KCTD8: variants seen among roughly 807,000 people sequenced by gnomAD.
KCTD8 encodes potassium channel tetramerization domain containing 8.
Under a neutral mutation model 31.5 loss-of-function variants are expected in KCTD8, and 27 were observed. The observed-to-expected ratio is 0.86, with a 90% confidence interval of 0.63 to 1.18. The LOEUF is 1.18. Among genes scored for constraint, KCTD8 ranks in the 50% most tolerant of loss-of-function variants. The pLI, the probability that KCTD8 is intolerant of heterozygous loss-of-function variation, is 0.00. For synonymous variants in KCTD8, 290 were observed against 280.0 expected (o/e 1.04, Z -0.36); for missense variants, 658 against 647.7 (o/e 1.02, Z -0.17).
chr4:44,419,689 C>A (rs557198841), intron 1 of KCTD8, among the ~76,000 whole-genome samples: 2 of 150,912 alleles, frequency 1.3e-5, no homozygotes, highest in Admixed American at 1.3e-4. Flanking sequence ...TGTCACATAC[C>A]GGGGCCTGTC....
intron 1 of KCTD8, among the ~76,000 whole-genome samples, chr4:44,177,959 C>T (rs1021657982): frequency 9.9e-5 from 15 of 152,238 alleles, no homozygotes; most frequent in Admixed American, 3.3e-4. Flanking sequence ...GGCCACCAGC[C>T]GTCTTTTCCA....
chr4:44,302,722 C>A (rs1189997954), intron 1 of KCTD8, among the ~76,000 whole-genome samples: 1 of 151,896 alleles, frequency 6.6e-6, no homozygotes, highest in East Asian at 1.9e-4. Flanking sequence ...CCTTCTTCTG[C>A]CTAATTGCCC....
chr4:44,370,636 A>G (rs1447153849), intron 1 of KCTD8, among the ~76,000 whole-genome samples: 1 of 152,218 alleles, frequency 6.6e-6, no homozygotes, highest in Non-Finnish European at 1.5e-5. Context: ...AAGGAGGATA[A>G]CAATCAAGAA....
rs889591394 is a variant in KCTD8, at chr4:44,277,554, T to G, written c.962-102304A>C. ...ATCATTCATTCATTCATTCATTCAT[T>G]CAATAAAAGCTTACTAAACAATCAA... On this transcript the variant is annotated intron_variant, in intron 1 of 1. Transcript: ENST00000360029. Among the ~76,000 whole-genome samples the G allele has an allele frequency of 4.6e-5, 7 of 151,898 alleles. No individual in the cohort carries two copies. In the East Asian group the frequency reaches 1.2e-3, roughly 25 times the overall value.
intron 1 of KCTD8, among the ~76,000 whole-genome samples, chr4:44,306,749 C>A (rs1392392527): frequency 2.0e-5 from 3 of 151,874 alleles, no homozygotes; most frequent in African/African-American, 7.3e-5. Flanking sequence ...TCTGACAGAA[C>A]TAAGGAAGGT....
chr4:44,353,928 G>C (rs988610884), intron 1 of KCTD8, among the ~76,000 whole-genome samples: 25 of 152,144 alleles, frequency 1.6e-4, no homozygotes, highest in Middle Eastern at 6.8e-3. Flanking sequence ...ATGTTACTGG[G>C]GTTGGAAAAT....
intron 1 of KCTD8, among the ~76,000 whole-genome samples, chr4:44,395,807 A>G (rs540032405): frequency 6.3e-4 from 95 of 151,632 alleles, no homozygotes; most frequent in African/African-American, 2.2e-3. Flanking sequence ...GCATTTGAGG[A>G]CCTCCCCTAG....
intron 1 of KCTD8, among the ~76,000 whole-genome samples, chr4:44,351,352 A>G (rs1456856361): frequency 6.6e-6 from 1 of 152,158 alleles, no homozygotes; most frequent in African/African-American, 2.4e-5. Flanking sequence ...GACTCAAATT[A>G]GTTCAATTTT....
chr4:44,433,928 T>C (rs1721572260), intron 1 of KCTD8, among the ~76,000 whole-genome samples: 1 of 151,904 alleles, frequency 6.6e-6, no homozygotes, highest in Non-Finnish European at 1.5e-5. Flanking sequence ...CAAACACATT[T>C]AGTTTCCCCA....
intron 1 of KCTD8, among the ~76,000 whole-genome samples, chr4:44,243,081 T>C (rs796654436): frequency 9.9e-5 from 15 of 152,222 alleles, no homozygotes; most frequent in African/African-American, 3.6e-4. Flanking sequence ...CATAGCTGTT[T>C]TAGAGAAAAA....
At chr4:44,214,991 T>C (rs961019829) in intron 1 of KCTD8, among the ~76,000 whole-genome samples, 2 of 152,164 alleles carry the variant, frequency 1.3e-5, no homozygotes, top group African/African-American at 2.4e-5. Flanking sequence ...TCATTCAGAT[T>C]AATAAAATGG....
At chr4:44,282,753 T>C (rs186766513) in intron 1 of KCTD8, among the ~76,000 whole-genome samples, 12 of 152,200 alleles carry the variant, frequency 7.9e-5, no homozygotes, top group Admixed American at 6.5e-4. Context: ...AGATAGAAGA[T>C]GAAACCAGTC....
intron 1 of KCTD8, among the ~76,000 whole-genome samples, chr4:44,266,102 A>G (rs892514495): frequency 2.0e-5 from 3 of 152,278 alleles, no homozygotes; most frequent in African/African-American, 7.2e-5. Flanking sequence ...CAGATTCACC[A>G]AAGTTGAAAT....
intron 1 of KCTD8, among the ~76,000 whole-genome samples, chr4:44,391,869 G>A (rs139943627): frequency 6.6e-5 from 10 of 152,000 alleles, no homozygotes; most frequent in African/African-American, 2.4e-4. Context: ...GATTCCATAC[G>A]AGTTCAGATT....
At chr4:44,349,894 CA>C in intron 1 of KCTD8, among the ~76,000 whole-genome samples, 1 of 151,856 alleles carries the variant, frequency 6.6e-6, no homozygotes, top group Non-Finnish European at 1.5e-5. Flanking sequence ...AAATCTGGGC[CA>C]AATAATTCTT....
At chr4:44,349,061 C>T (rs898295330) in intron 1 of KCTD8, among the ~76,000 whole-genome samples, 3 of 137,246 alleles carry the variant, frequency 2.2e-5, no homozygotes, top group East Asian at 2.1e-4. Context: ...GCACCACCAT[C>T]GCTGCCACCG....
At chr4:44,369,061 G>C (rs1216105654) in intron 1 of KCTD8, among the ~76,000 whole-genome samples, 1 of 152,110 alleles carries the variant, frequency 6.6e-6, no homozygotes, top group Non-Finnish European at 1.5e-5. Context: ...ATGCATACCA[G>C]TATAAGGAAG....
chr4:44,334,833 G>C lies in KCTD8; in HGVS notation c.961+112730C>G, dbSNP rs141889055. ...TAAATACACTTTGGAAATTTTGAAA[G>C]TTTGCTCAATTGCTTAATAATCAAA... On this transcript the variant is annotated intron_variant, in intron 1 of 1. Coordinates refer to ENST00000360029, the MANE Select transcript of KCTD8 (RefSeq NM_198353.3). 1.1e-3 allele frequency among the ~76,000 whole-genome samples: 172 copies of C among 152,172 alleles called. 3 individuals carry two copies. Among genetic ancestry groups the C allele is most frequent in the Non-Finnish European group, 5.7e-4 (39 of 67,948 alleles).
At chr4:44,316,244 C>A (rs1718105319) in intron 1 of KCTD8, among the ~76,000 whole-genome samples, 1 of 151,926 alleles carries the variant, frequency 6.6e-6, no homozygotes, top group African/African-American at 2.4e-5. Context: ...CTTTGGCTAT[C>A]TTTTTTATTT....
Sources: allele counts gnomAD v4.1 joint callset (sites outside exome capture counted in the v4.1 genomes callset), GRCh38; gene constraint gnomAD v4.1.1; transcripts MANE v1.5; gene names NCBI Gene and HGNC (gene_info 2026-07-23, HGNC 2026-07-21).